Variants in SPECC1 observed in about 807,000 individuals in gnomAD.
The protein encoded by SPECC1 is sperm antigen with calponin homology and coiled-coil domains 1, also known as cytospin-B.
Under a neutral mutation model 104.1 loss-of-function variants are expected in SPECC1, and 62 were observed. The observed-to-expected ratio is 0.60, with a 90% CI of 0.49 to 0.74. The LOEUF (loss-of-function observed/expected upper bound fraction) is 0.74. SPECC1 is among the 30% of genes least tolerant of loss of function. The pLI is 0.00. For missense variants in SPECC1, 1,306 were observed against 1,310.5 expected (o/e 1.00, Z 0.05); for synonymous variants, 513 against 501.6 (o/e 1.02, Z -0.30).
chr17:20,122,460 T>C (rs1378566880), intron 3 of SPECC1, among the ~76,000 whole-genome samples: 4 of 152,202 alleles, frequency 2.6e-5, no homozygotes. Context: ...GAGAGCCAGC[T>C]GGCTCTCAAC....
At chr17:20,165,116 G>A (rs1287156182) in intron 3 of SPECC1, among the ~76,000 whole-genome samples, 2 of 152,116 alleles carry the variant, frequency 1.3e-5, no homozygotes, top group Non-Finnish European at 2.9e-5. Flanking sequence ...GTGTGCCATG[G>A]TGGTTTGCTG....
chr17:20,244,431 A>G (rs972821501), intron 7 of SPECC1, among the ~76,000 whole-genome samples: 3 of 152,068 alleles, frequency 2.0e-5, no homozygotes, highest in Admixed American at 1.3e-4. Flanking sequence ...TAAAAACCCA[A>G]CCTCCTACAA....
At chr17:20,075,016 T>C (rs1397451937) in intron 1 of SPECC1, among the ~76,000 whole-genome samples, 2 of 152,078 alleles carry the variant, frequency 1.3e-5, no homozygotes, top group Non-Finnish European at 2.9e-5. Context: ...GATTCTCCTG[T>C]CATAGCCTCC....
At chr17:20,146,342 T>C (rs2031459371) in intron 3 of SPECC1, among the ~76,000 whole-genome samples, 1 of 152,230 alleles carries the variant, frequency 6.6e-6, no homozygotes, top group Non-Finnish European at 1.5e-5. Flanking sequence ...TTCTTTCACT[T>C]AGCAGTATGC....
intron 4 of SPECC1, among the ~76,000 whole-genome samples, chr17:20,220,564 T>G (rs1415575244): frequency 6.7e-6 from 1 of 150,164 alleles, no homozygotes; most frequent in African/African-American, 2.4e-5. Context: ...AATAGTTTTT[T>G]TTTTTTTTTT....
intron 4 of SPECC1, among the ~76,000 whole-genome samples, chr17:20,216,475 C>T (rs2037495882): frequency 6.6e-6 from 1 of 152,076 alleles, no homozygotes; most frequent in African/African-American, 2.4e-5. Flanking sequence ...GTTTGGGGGT[C>T]CTGAGACTTT....
chr17:20,269,602 G>A (rs1266960209), intron 12 of SPECC1, among the ~76,000 whole-genome samples: 4 of 152,238 alleles, frequency 2.6e-5, no homozygotes, highest in East Asian at 1.9e-4. Context: ...TCAAACTCCC[G>A]ACCTCAGGTG....
intron 1 of SPECC1, among the ~76,000 whole-genome samples, chr17:20,083,603 G>T (rs2047064669): frequency 6.6e-6 from 1 of 151,250 alleles, no homozygotes; most frequent in African/African-American, 2.4e-5. Context: ...CTGAGTACTA[G>T]TCTAATGTGG....
In SPECC1 at chr17:20,316,252, T is replaced by C. The variant is rs2042039042; in HGVS notation, c.*2187T>C. The C allele has an allele frequency of 8.6e-6, 2 of 231,556 alleles. No individual in the cohort carries two copies. Among genetic ancestry groups the C allele is most frequent in the East Asian group, 6.1e-5 (1 of 16,416 alleles). 14.3% of individuals were successfully genotyped at this position (231,556 alleles called of 1,614,324 possible). A position where few individuals can be genotyped will look rare whatever the true frequency, so the allele number is the denominator to read the frequency against. On this transcript the variant is annotated 3_prime_UTR_variant, in exon 15 of 15. Transcript: ENST00000395527. ...TATCCCAAGTAGTTGAGTTGAGCTG[T>C]TGGTTGTTAGATTTAAGCTGGAATT...
intron 4 of SPECC1, among the ~76,000 whole-genome samples, chr17:20,218,474 A>G (rs186273928): frequency 2.9e-4 from 44 of 152,304 alleles, no homozygotes; most frequent in Non-Finnish European, 2.8e-4. Context: ...ATTTTGTATT[A>G]CAATCCAGAG....
intron 3 of SPECC1, chr17:20,112,175 A>G: frequency 2.6e-6 from 2 of 763,750 alleles, no homozygotes; most frequent in Admixed American, 3.4e-5. Flanking sequence ...ATGCTGGCCC[A>G]CATGTTTAAG....
intron 3 of SPECC1, among the ~76,000 whole-genome samples, chr17:20,115,538 T>C (rs1165841419): frequency 6.6e-6 from 1 of 151,844 alleles, no homozygotes; most frequent in Non-Finnish European, 1.5e-5. Context: ...TGCATAGGAT[T>C]CAACAATAAA....
rs114050000 is a variant in SPECC1, at chr17:20,074,706, A to G, written c.-21-21925A>G. ...CTCTGTGTCTCTGTGGTTCTGTTTT[A>G]GAGTAGCCGTGTTTCACTTCCTTTA... On this transcript the variant is annotated intron_variant, in intron 1 of 14. Coordinates refer to ENST00000395527, the MANE Select transcript of SPECC1 (RefSeq NM_001243439.2). Among the ~76,000 whole-genome samples, 662 of 152,170 alleles carry G rather than the reference A, an allele frequency of 4.4e-3. 4 individuals carry two copies. The highest frequency in any genetic ancestry group is 0.014 in the African/African-American group (596 of 41,518).
intron 4 of SPECC1, among the ~76,000 whole-genome samples, chr17:20,215,927 TAGATGCCCTGACAG>T (rs1341119785): frequency 2.6e-5 from 4 of 152,226 alleles, no homozygotes; most frequent in Non-Finnish European, 4.4e-5. Context: ...GAAAGCTATA[TAGATGCCCTGACAG>T]AGATCTTTTT....
At chr17:20,283,281 C>T (rs1051209734) in intron 12 of SPECC1, among the ~76,000 whole-genome samples, 5 of 152,162 alleles carry the variant, frequency 3.3e-5, no homozygotes, top group South Asian at 2.1e-4. Context: ...CCATGAGGGA[C>T]AAAAGGTAGC....
At chr17:20,161,913 G>C (rs759999430) in intron 3 of SPECC1, among the ~76,000 whole-genome samples, 15 of 151,474 alleles carry the variant, frequency 9.9e-5, no homozygotes, top group Admixed American at 2.6e-4. Context: ...TCCTGCCTCA[G>C]CCTCTTGAGT....
At chr17:20,198,187 T>C (rs1199346483) in intron 3 of SPECC1, among the ~76,000 whole-genome samples, 2 of 152,214 alleles carry the variant, frequency 1.3e-5, no homozygotes, top group Non-Finnish European at 2.9e-5. Flanking sequence ...TAACACCCAA[T>C]ATCAAACTGG....
intron 1 of SPECC1, among the ~76,000 whole-genome samples, chr17:20,050,141 T>C (rs2045685382): frequency 6.6e-6 from 1 of 152,198 alleles, no homozygotes; most frequent in African/African-American, 2.4e-5. Context: ...AAATATTTGG[T>C]GCTCCTCACC....
At chr17:20,029,408 C>T (rs377175266) in intron 1 of SPECC1, among the ~76,000 whole-genome samples, 2 of 152,232 alleles carry the variant, frequency 1.3e-5, no homozygotes, top group African/African-American at 2.4e-5. Flanking sequence ...ATCATAGTGT[C>T]TTAGTAGTTC....
Sources: allele counts gnomAD v4.1 joint callset (sites outside exome capture counted in the v4.1 genomes callset), GRCh38; gene constraint gnomAD v4.1.1; transcripts MANE v1.5; gene names NCBI Gene and HGNC (gene_info 2026-07-23, HGNC 2026-07-21).